Variants in AFG1L observed in about 807,000 individuals in gnomAD.
The protein encoded by AFG1L is AFG1-like ATPase.
AFG1L carries 53 observed loss-of-function variants against 62.2 expected under a neutral mutation model. The ratio of observed to expected loss-of-function variants is 0.85; its 90% CI spans 0.68 to 1.07. The LOEUF (loss-of-function observed/expected upper bound fraction) is 1.07. Among genes scored for constraint, AFG1L ranks in the 50% least tolerant of loss-of-function variants. AFG1L has a pLI of 0.00. For missense variants in AFG1L, 555 were observed against 590.5 expected (o/e 0.94, Z 0.62); for synonymous variants, 228 against 210.3 (o/e 1.08, Z -0.73).
At chr6:108,465,403 T>G (rs1313643618) in intron 8 of AFG1L, among the ~76,000 whole-genome samples, 1 of 152,214 alleles carries the variant, frequency 6.6e-6, no homozygotes, top group African/African-American at 2.4e-5. Flanking sequence ...TTTTAATCAC[T>G]GTTTGTATTT....
intron 2 of AFG1L, among the ~76,000 whole-genome samples, chr6:108,338,022 C>T (rs1778535163): frequency 6.6e-6 from 1 of 151,972 alleles, no homozygotes; most frequent in Non-Finnish European, 1.5e-5. Flanking sequence ...CTCATCTCTA[C>T]AAAAAATGTA....
rs530007257 is a variant in AFG1L at position 108,519,987 on chromosome 6, A to G, written c.1317+177A>G. 2.2e-4 allele frequency: 97 copies of G among 431,146 alleles called. 4 individuals are homozygous for G. The South Asian group carries it at 2.9e-3, about 13-fold the overall frequency. 26.7% of individuals were successfully genotyped at this position (431,146 alleles called of 1,614,324 possible). A position where few individuals can be genotyped will look rare whatever the true frequency, so the allele number is the denominator to read the frequency against. ...TCAATATCACTGAATATAGAAAATTATAAACTTACAGTGGAAGGAACCTTA... is the reference window on the plus strand; with the variant it reads ...TCAATATCACTGAATATAGAAAATTGTAAACTTACAGTGGAAGGAACCTTA... On this transcript the variant is annotated intron_variant, in intron 12 of 12. Transcript: ENST00000368977.
At chr6:108,391,544 T>C (rs891354240) in intron 6 of AFG1L, among the ~76,000 whole-genome samples, 28 of 152,312 alleles carry the variant, frequency 1.8e-4, no homozygotes, top group Admixed American at 1.7e-3. Context: ...TTGTCAGTTG[T>C]ATAAATTGTG....
chr6:108,383,168 G>C (rs986775327), intron 6 of AFG1L, among the ~76,000 whole-genome samples: 2 of 152,162 alleles, frequency 1.3e-5, no homozygotes, highest in African/African-American at 4.8e-5. Context: ...AGGAGGCGGA[G>C]GTTGCAGTGA....
intron 5 of AFG1L, among the ~76,000 whole-genome samples, chr6:108,365,496 T>G (rs1226651348): frequency 2.0e-5 from 3 of 150,234 alleles, no homozygotes; most frequent in Non-Finnish European, 4.5e-5. Context: ...TTTTTTGTTT[T>G]TTTTTTTTTT....
intron 6 of AFG1L, among the ~76,000 whole-genome samples, chr6:108,377,516 GAATATGA>G (rs948822021): frequency 6.6e-6 from 1 of 152,144 alleles, no homozygotes; most frequent in African/African-American, 2.4e-5. Flanking sequence ...TAATTTGGCA[GAATATGA>G]AATTCTTGGT....
intron 7 of AFG1L, among the ~76,000 whole-genome samples, chr6:108,432,544 CTA>C (rs1771122509): frequency 2.6e-5 from 4 of 152,194 alleles, no homozygotes; most frequent in Non-Finnish European, 5.9e-5. Flanking sequence ...ATCTCTACCT[CTA>C]TGGTTCTAAG....
chr6:108,466,815 T>G (rs933932924), intron 8 of AFG1L, among the ~76,000 whole-genome samples: 12 of 150,576 alleles, frequency 8.0e-5, no homozygotes, highest in Non-Finnish European at 1.6e-4. Context: ...ATATGTTGTT[T>G]AAGCCACCCA....
chr6:108,363,125 T>C (rs1779610227), intron 5 of AFG1L, among the ~76,000 whole-genome samples: 1 of 152,190 alleles, frequency 6.6e-6, no homozygotes, highest in Non-Finnish European at 1.5e-5. Context: ...GCTCTTGAAT[T>C]TAAGGAATTT....
At chr6:108,449,159 GTA>G (rs10603688) in intron 8 of AFG1L, among the ~76,000 whole-genome samples, 88,214 of 145,726 alleles carry the variant, frequency 0.61, 27,758 homozygotes, top group African/African-American at 0.82. Flanking sequence ...AAAAAAAAAA[GTA>G]TATATATATA....
intron 11 of AFG1L, among the ~76,000 whole-genome samples, chr6:108,514,848 C>G (rs1353149551): frequency 6.6e-6 from 1 of 152,088 alleles, no homozygotes; most frequent in Non-Finnish European, 1.5e-5. Context: ...GGTTGCAATC[C>G]TAGTCTCTCA....
intron 11 of AFG1L, among the ~76,000 whole-genome samples, chr6:108,513,699 C>CA (rs571904739): frequency 5.1e-4 from 77 of 151,608 alleles, no homozygotes; most frequent in Non-Finnish European, 9.3e-4. Flanking sequence ...AGGGCATAGC[C>CA]AAAAAAAAGG....
chr6:108,352,365 T>C (rs1779114557), intron 3 of AFG1L, among the ~76,000 whole-genome samples: 1 of 152,176 alleles, frequency 6.6e-6, no homozygotes, highest in Non-Finnish European at 1.5e-5. Flanking sequence ...TTGGTATTCA[T>C]GGGGGATTGG....
intron 7 of AFG1L, among the ~76,000 whole-genome samples, chr6:108,412,130 A>G (rs566623715): frequency 4.5e-4 from 69 of 152,334 alleles, no homozygotes; most frequent in East Asian, 1.7e-3. Context: ...ACAAGCTTCA[A>G]TGGCCGATTT....
In AFG1L at chr6:108,364,864, C is replaced by CAAA. The variant is rs1562110488; in HGVS notation, c.649-1369_649-1368insAAA. 4.5e-4 allele frequency among the ~76,000 whole-genome samples: 38 copies of CAAA among 84,298 alleles called. 6 individuals are homozygous for CAAA. The highest frequency in any genetic ancestry group is 8.3e-4 in the African/African-American group (11 of 13,330). The allele number at this position is 84,298 out of a possible 152,430, so 55.3% of individuals were successfully genotyped here. ...GTTTTTTAGTTATAACCTGAGACAG[C>CAAA]CAAAAAAAAAAAAAAAAAAAAAGTA... On this transcript the variant is annotated intron_variant, in intron 5 of 12. Transcript: ENST00000368977.
intron 12 of AFG1L, chr6:108,520,960 C>T (rs1775102885): frequency 6.6e-6 from 1 of 152,214 alleles, no homozygotes; most frequent in Non-Finnish European, 1.5e-5. Flanking sequence ...CATGAGGGCT[C>T]CACCCACAAG....
chr6:108,489,857 G>A (rs1035557538), intron 10 of AFG1L, among the ~76,000 whole-genome samples: 1 of 152,184 alleles, frequency 6.6e-6, no homozygotes, highest in Non-Finnish European at 1.5e-5. Context: ...TTATAAAGGT[G>A]TGTTAGTTTG....
At chr6:108,513,507 C>T (rs370288321) in intron 11 of AFG1L, among the ~76,000 whole-genome samples, 3 of 152,314 alleles carry the variant, frequency 2.0e-5, no homozygotes, top group East Asian at 1.9e-4. Flanking sequence ...CACAGAGCCT[C>T]GCTCATTGCT....
intron 3 of AFG1L, among the ~76,000 whole-genome samples, chr6:108,347,633 A>G (rs371756671): frequency 1.3e-5 from 2 of 152,134 alleles, no homozygotes; most frequent in Non-Finnish European, 2.9e-5. Flanking sequence ...TGTCTTGCTT[A>G]TGAAGTCTTC....
Sources: allele counts gnomAD v4.1 joint callset (sites outside exome capture counted in the v4.1 genomes callset), GRCh38; gene constraint gnomAD v4.1.1; transcripts MANE v1.5; gene names NCBI Gene and HGNC (gene_info 2026-07-23, HGNC 2026-07-21).